CCM2: variants seen among roughly 807,000 people sequenced by gnomAD.
The protein encoded by CCM2 is CCM2 scaffold protein.
In CCM2, 25 loss-of-function variants were observed where a neutral mutation model predicts 44.9. The observed-to-expected ratio is 0.56, with a 90% CI of 0.41 to 0.78. The LOEUF (loss-of-function observed/expected upper bound fraction) is 0.78. Among genes scored for constraint, CCM2 ranks in the 30% least tolerant of loss-of-function variants. The probability of loss-of-function intolerance (pLI) is 0.00; values close to 1 mark genes in which losing one functional copy is unlikely to be tolerated. For missense variants in CCM2, 481 were observed against 580.6 expected, an observed-to-expected ratio of 0.83 and a Z score of 1.76; for synonymous variants, 219 against 241.1, an observed-to-expected ratio of 0.91 and a Z score of 0.85.
At position 45,000,279 on chromosome 7, in the gene CCM2, G is replaced by C. The variant is rs1399229130; in HGVS notation, c.-55G>C. 1.7e-6 allele frequency: 2 copies of C among 1,168,526 alleles called. No individual in the cohort carries two copies. Among genetic ancestry groups the C allele is most frequent in the Admixed American group, 9.3e-5 (2 of 21,400 alleles). The allele number at this position is 1,168,526 out of a possible 1,614,324, so 72.4% of individuals were successfully genotyped here. A position where few individuals can be genotyped will look rare whatever the true frequency, so the allele number is the denominator to read the frequency against. ...CCGGGTCGAGCATGTAGCGGCTGCT[G>C]GCGGCGGGGCTCCCGGGGCGGGCCG... is the stretch of plus-strand genomic sequence containing the variant. On this transcript the variant is annotated 5_prime_UTR_variant, in exon 1 of 10. Transcript: ENST00000258781.
At chr7:45,024,319 C>A (rs1419207969) in intron 1 of CCM2, among the ~76,000 whole-genome samples, 1 of 152,200 alleles carries the variant, frequency 6.6e-6, no homozygotes, top group Non-Finnish European at 1.5e-5. Context: ...TGTGGAGTTT[C>A]ATCTCTGCAT....
chr7:45,065,381 T>C (rs1798724508), intron 4 of CCM2, among the ~76,000 whole-genome samples: 1 of 152,240 alleles, frequency 6.6e-6, no homozygotes, highest in Non-Finnish European at 1.5e-5. Flanking sequence ...GACAGTATCC[T>C]GGGCTCCTTG....
At chr7:45,039,288 G>A (rs1797368265) in intron 2 of CCM2, among the ~76,000 whole-genome samples, 1 of 152,214 alleles carries the variant, frequency 6.6e-6, no homozygotes. Context: ...CCTGTATGTG[G>A]AATGGAGAGA....
chr7:45,062,403 C>T (rs1798567540), intron 2 of CCM2, among the ~76,000 whole-genome samples: 1 of 152,122 alleles, frequency 6.6e-6, no homozygotes, highest in South Asian at 2.1e-4. Flanking sequence ...CTGCCCACAG[C>T]CTTCTACACC....
chr7:45,056,192 T>C (rs1445124064), intron 2 of CCM2, among the ~76,000 whole-genome samples: 2 of 152,264 alleles, frequency 1.3e-5, no homozygotes, highest in Non-Finnish European at 2.9e-5. Flanking sequence ...TTCTTTTGTA[T>C]ATATACCCAG....
chr7:45,064,731 G>C, intron 4 of CCM2, 85 bp downstream of exon 4: 1 of 1,421,100 alleles, frequency 7.0e-7, no homozygotes, highest in Non-Finnish European at 9.8e-7. Flanking sequence ...AGTTTTTGCA[G>C]CTTCGTGTTG....
rs771577643 is a variant in CCM2, at chr7:45,038,385, C to G, written c.163C>G (p.Pro55Ala). The G allele has an allele frequency of 1.4e-5, 23 of 1,614,094 alleles. No homozygotes were observed. Among genetic ancestry groups the G allele is most frequent in the Non-Finnish European group, 1.9e-5 (23 of 1,180,026 alleles). Residue 55 changes from proline to alanine, a missense_variant, in exon 2 of 10, where the codon CCA becomes GCA. By Grantham distance (27) the Pro-to-Ala change is conservative (BLOSUM62 -1). Transcript: ENST00000258781. ...VVLSLPERVE[P>A]DRLLSDYIEK... ...GTTGTCATTGCCTGAGCGCGTCGAG[C>G]CAGACAGACTGCTGAGCGACTATAT...
At chr7:45,018,352 A>ATCAT (rs1554359038) in intron 1 of CCM2, among the ~76,000 whole-genome samples, 4 of 151,750 alleles carry the variant, frequency 2.6e-5, no homozygotes, top group African/African-American at 4.8e-5. Context: ...AGCATTTTTT[A>ATCAT]TTATTTATTT....
In CCM2 at chr7:45,000,459, G is replaced by GT. The variant is rs995806720; in HGVS notation, c.30+96_30+97insT. 7.6e-5 allele frequency: 24 copies of GT among 316,430 alleles called. No homozygotes were observed. In the East Asian group the frequency reaches 1.1e-3, roughly 14 times the overall value. The allele number at this position is 316,430 out of a possible 1,614,324, so 19.6% of individuals were successfully genotyped here. ...GGCGGGTGTTCCTTGGGGCCCGGGG[G>GT]GGGGGGCAGTGGGCCAGCTGGCGGG... On this transcript the variant is annotated intron_variant, in intron 1 of 9. Coordinates refer to ENST00000258781, the MANE Select transcript of CCM2 (RefSeq NM_031443.4).
At chr7:45,005,894 G>A (rs1795828625) in intron 1 of CCM2, among the ~76,000 whole-genome samples, 1 of 152,248 alleles carries the variant, frequency 6.6e-6, no homozygotes, top group Non-Finnish European at 1.5e-5. Context: ...CCAGTCCTGG[G>A]AAGTCCTTGG....
intron 1 of CCM2, chr7:45,027,894 T>C: frequency 2.3e-6 from 3 of 1,305,862 alleles, no homozygotes; most frequent in South Asian, 1.2e-5. Context: ...GGCTTGCCCA[T>C]TGTGAGCTAG....
chr7:45,041,215 A>G (rs772709639), intron 2 of CCM2, among the ~76,000 whole-genome samples: 20 of 152,230 alleles, frequency 1.3e-4, no homozygotes, highest in Non-Finnish European at 1.0e-4. Context: ...GAAATAGAAT[A>G]GTACATAGAA....
At chr7:45,071,373 A>G (rs1215142906) in intron 6 of CCM2, 3 of 168,574 alleles carry the variant, frequency 1.8e-5, no homozygotes, top group Non-Finnish European at 1.3e-5. Context: ...CACATCATGT[A>G]ACACCACTAC....
intron 7 of CCM2, 87 bp downstream of exon 7, chr7:45,072,870 C>G (rs1164755362): frequency 4.5e-6 from 5 of 1,105,220 alleles, no homozygotes; most frequent in Non-Finnish European, 6.9e-6. Flanking sequence ...AGTCAGCTCC[C>G]CCATCTCAGC....
chr7:45,003,686 C>T (rs1795734065), intron 1 of CCM2, among the ~76,000 whole-genome samples: 2 of 151,088 alleles, frequency 1.3e-5, no homozygotes, highest in Admixed American at 1.3e-4. Flanking sequence ...TGAGATCATG[C>T]CACTGTACTC....
rs535112809 is a variant in CCM2, at chr7:45,074,280, A to G, written c.926A>G (p.Lys309Arg). ...LQDYMLTLRT[K>R]LSSQEIQQFA... ...TCTGCTCTCTTGCAGCTGCGCACCAAGCTGTCATCACAGGAGATCCAGCAG... is the reference window on the plus strand; with the variant it reads ...TCTGCTCTCTTGCAGCTGCGCACCAGGCTGTCATCACAGGAGATCCAGCAG... Residue 309 changes from lysine (K) to arginine (R), a missense_variant, in exon 9 of 10, where the codon AAG (lysine) becomes AGG (arginine). Transcript: ENST00000258781. The G allele has an allele frequency of 1.5e-4, 236 of 1,613,642 alleles. 3 individuals carry two copies. The South Asian group carries it at 2.0e-3, about 13-fold the overall frequency.
rs764066302 is a variant in CCM2, at chr7:45,069,943, C to A, written c.727C>A (p.His243Asn). Residue 243 changes from histidine (H) to asparagine (N), a missense_variant, in exon 6 of 10, where the codon CAC becomes AAC. By Grantham distance (68) the His-to-Asn change is moderately conservative. Coordinates refer to ENST00000258781, the MANE Select transcript of CCM2 (RefSeq NM_031443.4). ...IFDGASTPTH[H>N]LSLHSDDSST... is the part of the protein sequence containing the mutation. ...TGATGGGGCCTCTACCCCGACCCAC[C>A]ACCTGTCCCTGCACAGCGGTATGTT... 1 of 1,613,976 alleles carries A rather than the reference C, an allele frequency of 6.2e-7. No homozygotes were observed. Among genetic ancestry groups the A allele is most frequent in the Non-Finnish European group, 8.5e-7 (1 of 1,180,048 alleles).
intron 1 of CCM2, among the ~76,000 whole-genome samples, chr7:45,011,331 G>A (rs1796059574): frequency 6.6e-6 from 1 of 151,464 alleles, no homozygotes; most frequent in South Asian, 2.1e-4. Context: ...CTGGTAGCTG[G>A]GATTACAGGT....
chr7:45,009,318 A>AAAAAAAG (rs1554356438), intron 1 of CCM2, among the ~76,000 whole-genome samples: 2 of 108,572 alleles, frequency 1.8e-5, no homozygotes, highest in South Asian at 3.0e-4. Context: ...AAAAAAAAAA[A>AAAAAAAG]AAAATTTTTG....
Sources: allele counts gnomAD v4.1 joint callset (sites outside exome capture counted in the v4.1 genomes callset), GRCh38; gene constraint gnomAD v4.1.1; transcripts MANE v1.5; gene names NCBI Gene and HGNC (gene_info 2026-07-23, HGNC 2026-07-21).